The following PALS1 variants were observed in gnomAD, a reference collection of about 807,000 sequenced individuals.
The protein encoded by PALS1 is protein associated with LIN7 1, MAGUK p55 family member.
A neutral mutation model predicts 78.9 loss-of-function variants in PALS1; 31 were observed. The observed-to-expected ratio is 0.39, with a 90% CI of 0.30 to 0.53. The LOEUF is 0.53. Ranked by LOEUF, PALS1 falls within the 20% of genes least tolerant of loss-of-function variation. The pLI is 0.67. For missense variants in PALS1, 704 were observed against 826.5 expected (o/e 0.85, Z 1.82); for synonymous variants, 276 against 270.9 (o/e 1.02, Z -0.18).
At chr14:67,332,692 G>C (rs2085468290) in intron 14 of PALS1, 88 bp from the exon 15 acceptor site, 8 of 1,321,186 alleles carry the variant, frequency 6.1e-6, no homozygotes, top group South Asian at 1.5e-5. Flanking sequence ...TATGAAGGTC[G>C]CTCCTTGTTC....
At chr14:67,258,570 C>T (rs954188602) in intron 1 of PALS1, among the ~76,000 whole-genome samples, 6 of 152,058 alleles carry the variant, frequency 3.9e-5, no homozygotes, top group East Asian at 2.0e-4. Context: ...TATAGGCACA[C>T]GCCACCACAA....
chr14:67,325,712 GCA>G (rs2085342584), intron 14 of PALS1, among the ~76,000 whole-genome samples: 4 of 152,152 alleles, frequency 2.6e-5, no homozygotes, highest in East Asian at 1.9e-4. Context: ...TTCCTAACAT[GCA>G]CACTTATTTC....
At chr14:67,291,180 G>A (rs541772082) in intron 3 of PALS1, among the ~76,000 whole-genome samples, 25 of 149,990 alleles carry the variant, frequency 1.7e-4, no homozygotes, top group African/African-American at 4.2e-4. Context: ...GTATATGTGC[G>A]TGTGCATGTA....
intron 1 of PALS1, among the ~76,000 whole-genome samples, chr14:67,265,956 T>TA (rs1301079032): frequency 6.6e-6 from 1 of 151,996 alleles, no homozygotes; most frequent in Non-Finnish European, 1.5e-5. Flanking sequence ...AAAAAACTTT[T>TA]AAAAAAAATC....
intron 4 of PALS1, among the ~76,000 whole-genome samples, chr14:67,299,350 A>ATATAC (rs1289372577): frequency 2.8e-5 from 4 of 144,450 alleles, no homozygotes; most frequent in African/African-American, 8.3e-5. Context: ...TAGGAAGGAT[A>ATATAC]TATACCAAAG....
Position 67,320,228 on chromosome 14 carries a change from A to C in PALS1, c.1370-2A>C. ...GAAGAGCTTAACTTTTTTTTCCCAA[A>C]GATTATGACAACGAGGAGATCTTAA... On this transcript the variant is annotated splice_acceptor_variant, in intron 11 of 14. Coordinates refer to ENST00000261681, the MANE Select transcript of PALS1 (RefSeq NM_022474.4). LOFTEE classifies it high-confidence loss of function. 1 of 1,599,508 alleles carries C rather than the reference A, an allele frequency of 6.3e-7. No homozygotes were observed. The highest frequency in any genetic ancestry group is 2.2e-5 in the East Asian group (1 of 44,692).
chr14:67,282,530 G>A (rs1039881115), intron 3 of PALS1, among the ~76,000 whole-genome samples: 15 of 152,034 alleles, frequency 9.9e-5, no homozygotes, highest in African/African-American at 3.6e-4. Flanking sequence ...TTGTAAATTT[G>A]ACAATGTATG....
chr14:67,254,242 G>A (rs542318822), intron 1 of PALS1: 2 of 145,278 alleles, frequency 1.4e-5, no homozygotes, highest in African/African-American at 5.1e-5. Context: ...TGCCTCAGCA[G>A]CCTTTTTCTT....
chr14:67,290,913 T>C (rs2084761806), intron 3 of PALS1, among the ~76,000 whole-genome samples: 2 of 152,206 alleles, frequency 1.3e-5, no homozygotes, highest in African/African-American at 4.8e-5. Context: ...TTCAGATCTA[T>C]GCTGAAATAA....
intron 4 of PALS1, among the ~76,000 whole-genome samples, chr14:67,294,184 T>C (rs1185177516): frequency 6.6e-6 from 1 of 152,196 alleles, no homozygotes. Context: ...AAAGGAGATT[T>C]TCTGAAAGTT....
intron 14 of PALS1, among the ~76,000 whole-genome samples, chr14:67,326,058 C>T (rs1180093950): frequency 6.8e-6 from 1 of 146,210 alleles, no homozygotes; most frequent in Non-Finnish European, 1.5e-5. Context: ...ATCTCGTGAC[C>T]TCGTGATCCA....
At chr14:67,320,750 A>G (rs1340623201) in intron 12 of PALS1, among the ~76,000 whole-genome samples, 1 of 152,194 alleles carries the variant, frequency 6.6e-6, no homozygotes, top group African/African-American at 2.4e-5. Flanking sequence ...ACCTAATCTT[A>G]TGGAGATAAA....
chr14:67,310,369 T>C (rs918971916), intron 8 of PALS1, among the ~76,000 whole-genome samples: 1 of 152,234 alleles, frequency 6.6e-6, no homozygotes, highest in African/African-American at 2.4e-5. Context: ...GATTATATAC[T>C]ATGCTATTCC....
intron 1 of PALS1, among the ~76,000 whole-genome samples, chr14:67,268,110 T>C (rs2140557395): frequency 6.6e-6 from 1 of 152,306 alleles, no homozygotes; most frequent in Non-Finnish European, 1.5e-5. Flanking sequence ...AATGTCTCAG[T>C]CATATGGAAA....
At chr14:67,277,547 C>T (rs2084526230) in intron 2 of PALS1, among the ~76,000 whole-genome samples, 1 of 151,778 alleles carries the variant, frequency 6.6e-6, no homozygotes, top group Non-Finnish European at 1.5e-5. Context: ...TAAAGTGATG[C>T]CCAACTCAAG....
At position 67,320,324 on chromosome 14, in the gene PALS1, G is replaced by GA; in HGVS notation, c.1466dup (p.Asn489LysfsTer6). 6.2e-7 allele frequency: 1 copy of GA among 1,613,810 alleles called. No individual in the cohort carries two copies. Among genetic ancestry groups the GA allele is most frequent in the Non-Finnish European group, 8.5e-7 (1 of 1,179,906 alleles). On this transcript the variant is annotated frameshift_variant, in exon 12 of 15. Transcript: ENST00000261681. LOFTEE classifies it high-confidence loss of function. Reference sequence around the variant, plus strand: ...GACCTATCATCTTGATTGGTCCACAGAACTGTGGCCAGAATGAATTGCGTC... The same window carrying GA: ...GACCTATCATCTTGATTGGTCCACAGAAACTGTGGCCAGAATGAATTGCGTC...
intron 3 of PALS1, among the ~76,000 whole-genome samples, chr14:67,288,306 T>C (rs1325981701): frequency 6.6e-6 from 1 of 152,170 alleles, no homozygotes; most frequent in Non-Finnish European, 1.5e-5. Context: ...GGTCTTGAAC[T>C]CCTGACCTCA....
rs558114246 is a variant in PALS1, at chr14:67,282,819, C to T, written c.367+3282C>T. Among the ~76,000 whole-genome samples, 39 of 152,056 alleles carry T rather than the reference C, an allele frequency of 2.6e-4. 2 individuals carry two copies. The highest frequency in any genetic ancestry group is 7.9e-4 in the African/African-American group (33 of 41,514). The stretch of plus-strand genomic sequence containing the variant: ...CAAACTACCTTGTGAGAGAAATCCT[C>T]GGAAAAGAAAATAATGCAGGTTAGA... On this transcript the variant is annotated intron_variant, in intron 3 of 14. Coordinates refer to ENST00000261681, the MANE Select transcript of PALS1 (RefSeq NM_022474.4).
chr14:67,308,313 CCTTTTTTTTTTTTTT>C (rs1341370103), intron 8 of PALS1, among the ~76,000 whole-genome samples: 1 of 130,348 alleles, frequency 7.7e-6, no homozygotes, highest in Non-Finnish European at 1.6e-5. Flanking sequence ...AACCAAACTT[CCTTTTTTTTTTTTTT>C]CTTTTTTTTC....
Sources: gnomAD v4.1 joint callset for allele counts (sites outside exome capture counted in the v4.1 genomes callset) on GRCh38, gnomAD v4.1.1 for gene constraint, MANE v1.5 for transcripts, NCBI Gene and HGNC (gene_info 2026-07-23, HGNC 2026-07-21) for gene names.